Variants in UNC5D observed in about 807,000 individuals in gnomAD.
UNC5D encodes the protein netrin receptor UNC5D.
Under a neutral mutation model 105.4 loss-of-function variants are expected in UNC5D, and 39 were observed. The ratio of observed to expected loss-of-function variants is 0.37; its 90% confidence interval spans 0.29 to 0.48. The LOEUF is 0.48. Ranked by LOEUF, UNC5D falls within the 20% of genes least tolerant of loss-of-function variation. The probability of loss-of-function intolerance (pLI) is 0.98; values close to 1 mark genes in which losing one functional copy is unlikely to be tolerated. For synonymous variants in UNC5D, 452 were observed against 450.4 expected, an observed-to-expected ratio of 1.00 and a Z score of -0.04; for missense variants, 991 against 1,202.4, an observed-to-expected ratio of 0.82 and a Z score of 2.60.
chr8:35,333,880 G>A (rs1480855914), intron 1 of UNC5D, among the ~76,000 whole-genome samples: 1 of 152,234 alleles, frequency 6.6e-6, no homozygotes, highest in East Asian at 1.9e-4. Context: ...ATTGTAGCTT[G>A]TATAGTAAAT....
At chr8:35,301,088 A>G (rs1366147943) in intron 1 of UNC5D, among the ~76,000 whole-genome samples, 1 of 152,140 alleles carries the variant, frequency 6.6e-6, no homozygotes, top group East Asian at 1.9e-4. Context: ...TTCTAAATAC[A>G]GTTTTTTAAT....
intron 1 of UNC5D, among the ~76,000 whole-genome samples, chr8:35,275,496 C>T (rs373926141): frequency 1.3e-5 from 2 of 152,032 alleles, no homozygotes; most frequent in African/African-American, 2.4e-5. Context: ...GGGGCAATAT[C>T]GGTGAAATCT....
At chr8:35,363,461 A>T (rs963927111) in intron 1 of UNC5D, among the ~76,000 whole-genome samples, 4 of 152,150 alleles carry the variant, frequency 2.6e-5, no homozygotes, top group Admixed American at 6.6e-5. Context: ...GTACAATTCA[A>T]GATGAGATTT....
intron 4 of UNC5D, among the ~76,000 whole-genome samples, chr8:35,618,481 A>G (rs867856230): frequency 2.0e-5 from 3 of 152,214 alleles, no homozygotes; most frequent in Admixed American, 6.5e-5. Context: ...AAAAGACTTC[A>G]AAGTAGAGAT....
chr8:35,419,146 C>G (rs553474253), intron 1 of UNC5D, among the ~76,000 whole-genome samples: 2 of 152,316 alleles, frequency 1.3e-5, no homozygotes, highest in East Asian at 3.9e-4. Flanking sequence ...TTACTCCACT[C>G]CTTAAGTTGT....
In UNC5D at chr8:35,521,234, C is replaced by T. The variant is rs564952618; in HGVS notation, c.104-28058C>T. Among the ~76,000 whole-genome samples, 81 of 151,950 alleles carry T rather than the reference C, an allele frequency of 5.3e-4. 1 individual carries two copies. The highest frequency in any genetic ancestry group is 3.0e-3 in the Admixed American group (45 of 15,252). ...AGGGAGGAGGCAGAGGAGGAATAGA[C>T]GAGCATGAGAGGTGAGAGAAAATAA... On this transcript the variant is annotated intron_variant, in intron 1 of 16. Coordinates refer to ENST00000404895, the MANE Select transcript of UNC5D (RefSeq NM_080872.4).
intron 16 of UNC5D, among the ~76,000 whole-genome samples, chr8:35,783,022 G>A (rs1156620221): frequency 1.3e-5 from 2 of 151,820 alleles, no homozygotes; most frequent in African/African-American, 4.8e-5. Context: ...GCTCACCTGT[G>A]GTCCTAGCTA....
chr8:35,599,013 C>T (rs758556251), intron 4 of UNC5D, among the ~76,000 whole-genome samples: 2 of 151,698 alleles, frequency 1.3e-5, no homozygotes, highest in Non-Finnish European at 2.9e-5. Context: ...TGTGGTGGCG[C>T]ACATCTGTAG....
chr8:35,782,506 T>TAAAA (rs1348945137), intron 16 of UNC5D, among the ~76,000 whole-genome samples: 1 of 150,694 alleles, frequency 6.6e-6, no homozygotes, highest in African/African-American at 2.4e-5. Context: ...TCAAAAATTT[T>TAAAA]TTTTTTTTTT....
At chr8:35,487,163 G>A (rs1486563695) in intron 1 of UNC5D, among the ~76,000 whole-genome samples, 1 of 149,838 alleles carries the variant, frequency 6.7e-6, no homozygotes, top group Non-Finnish European at 1.5e-5. Flanking sequence ...ATGAGTCACA[G>A]CATTCCTGAT....
At chr8:35,738,526 G>C (rs1042332179) in intron 11 of UNC5D, among the ~76,000 whole-genome samples, 1 of 152,190 alleles carries the variant, frequency 6.6e-6, no homozygotes, top group Non-Finnish European at 1.5e-5. Flanking sequence ...CCTAGACTCA[G>C]AGGAAAGATT....
intron 1 of UNC5D, among the ~76,000 whole-genome samples, chr8:35,399,145 C>CAAAAAAAAAAAAAAAAAAA (rs1029547730): frequency 1.8e-5 from 1 of 54,702 alleles, no homozygotes; most frequent in African/African-American, 7.1e-5. Flanking sequence ...ACTCCATCTC[C>CAAAAAAAAAAAAAAAAAAA]AAAAAAAAAA....
At chr8:35,657,398 T>C (rs933663442) in intron 4 of UNC5D, among the ~76,000 whole-genome samples, 2 of 151,992 alleles carry the variant, frequency 1.3e-5, no homozygotes, top group Non-Finnish European at 2.9e-5. Flanking sequence ...TAGAATATTG[T>C]GATCATTATT....
At chr8:35,676,091 A>G (rs1825197390) in intron 4 of UNC5D, among the ~76,000 whole-genome samples, 1 of 152,114 alleles carries the variant, frequency 6.6e-6, no homozygotes, top group African/African-American at 2.4e-5. Flanking sequence ...TTGGTGAGAA[A>G]ACTAGAAGCT....
intron 1 of UNC5D, among the ~76,000 whole-genome samples, chr8:35,242,943 G>A (rs541993308): frequency 6.6e-6 from 1 of 152,216 alleles, no homozygotes; most frequent in Admixed American, 6.5e-5. Context: ...AAACCTACTG[G>A]GAGAGAAGGG....
In UNC5D at chr8:35,759,247, A is replaced by T. The variant is rs564423611; in HGVS notation, c.2164-73A>T. On this transcript the variant is annotated intron_variant, in intron 13 of 16. Coordinates refer to ENST00000404895, the MANE Select transcript of UNC5D (RefSeq NM_080872.4). ...AAGACACATGGTAGTGAGCATGTGT[A>T]TCCCTAGATAGGAAATATGTAAGTA... is the stretch of plus-strand genomic sequence containing the variant. 1.2e-5 allele frequency: 19 copies of T among 1,548,446 alleles called. No individual in the cohort carries two copies. The African/African-American group carries it at 2.5e-4, about 20-fold the overall frequency.
chr8:35,245,292 G>GA (rs1030501371), intron 1 of UNC5D, among the ~76,000 whole-genome samples: 4 of 151,456 alleles, frequency 2.6e-5, no homozygotes, highest in Non-Finnish European at 4.4e-5. Context: ...AAGAGAGATG[G>GA]AAAAAAAATA....
chr8:35,675,807 C>G (rs1363201077), intron 4 of UNC5D, among the ~76,000 whole-genome samples: 1 of 151,814 alleles, frequency 6.6e-6, no homozygotes, highest in Non-Finnish European at 1.5e-5. Flanking sequence ...ACATCACTCT[C>G]CTTTTCATTC....
At chr8:35,517,580 G>A (rs1051090209) in intron 1 of UNC5D, among the ~76,000 whole-genome samples, 3 of 152,294 alleles carry the variant, frequency 2.0e-5, no homozygotes, top group Admixed American at 6.5e-5. Context: ...GATGCCATGA[G>A]CTTGCAGAGC....
Sources: gnomAD v4.1 joint callset for allele counts (sites outside exome capture counted in the v4.1 genomes callset) on GRCh38, gnomAD v4.1.1 for gene constraint, MANE v1.5 for transcripts, NCBI Gene and HGNC (gene_info 2026-07-23, HGNC 2026-07-21) for gene names.